MCF2L: variants seen among roughly 807,000 people sequenced by gnomAD.
MCF2L encodes guanine nucleotide exchange factor DBS.
A neutral mutation model predicts 153.4 loss-of-function variants in MCF2L; 97 were observed. The observed-to-expected ratio is 0.63, with a 90% CI of 0.54 to 0.75. MCF2L has a LOEUF of 0.75. Among genes scored for constraint, MCF2L ranks in the 30% least tolerant of loss-of-function variants. MCF2L has a pLI of 0.00. For missense variants in MCF2L, 1,347 were observed against 1,495.2 expected (o/e 0.90, Z 1.64); for synonymous variants, 659 against 632.2 (o/e 1.04, Z -0.64).
intron 2 of MCF2L, among the ~76,000 whole-genome samples, chr13:112,924,556 C>T (rs369181479): frequency 4.6e-5 from 7 of 151,966 alleles, no homozygotes; most frequent in South Asian, 2.1e-4. Context: ...AATGCTGATA[C>T]GAGGAAAACT....
In MCF2L at chr13:113,090,705, T is replaced by C. The variant is rs185715206; in HGVS notation, c.2953+977T>C. On this transcript the variant is annotated intron_variant, in intron 26 of 29. Coordinates refer to ENST00000535094, the MANE Select transcript of MCF2L (RefSeq NM_001112732.3). ...GGCCCTGGCGTGCAGGCGGCTCTTC[T>C]GGGAAGCCCTGAAGGCCAGCGTGGA... 28 of 985,498 alleles carry C rather than the reference T, an allele frequency of 2.8e-5. No individual in the cohort carries two copies. In the African/African-American group the frequency reaches 4.4e-4, roughly 15 times the overall value. The allele number at this position is 985,498 out of a possible 1,614,324, so 61.0% of individuals were successfully genotyped here.
At chr13:112,914,875 T>C (rs56197242) in intron 2 of MCF2L, among the ~76,000 whole-genome samples, 45,828 of 152,024 alleles carry the variant, frequency 0.3, 7,105 homozygotes, top group Non-Finnish European at 0.34. Flanking sequence ...ACTTTCCTTT[T>C]TTTTTTTCTT....
intron 2 of MCF2L, among the ~76,000 whole-genome samples, chr13:112,958,411 C>T (rs1357760889): frequency 1.3e-5 from 2 of 152,232 alleles, no homozygotes; most frequent in Non-Finnish European, 2.9e-5. Context: ...GAATGAGGCC[C>T]AGCCCACTGT....
At chr13:112,957,148 T>C (rs2081768113) in intron 2 of MCF2L, 1 of 151,716 alleles carries the variant, frequency 6.6e-6, no homozygotes, top group African/African-American at 2.4e-5. Flanking sequence ...GAGCTCTAAC[T>C]GAACTGCACA....
At chr13:113,015,852 C>A (rs1299348348) in intron 2 of MCF2L, among the ~76,000 whole-genome samples, 1 of 152,212 alleles carries the variant, frequency 6.6e-6, no homozygotes, top group African/African-American at 2.4e-5. Context: ...TCCCAGAGGA[C>A]AAGGGCTCCA....
intron 2 of MCF2L, among the ~76,000 whole-genome samples, chr13:112,936,915 G>A (rs781735537): frequency 7.2e-5 from 11 of 152,132 alleles, no homozygotes; most frequent in Non-Finnish European, 1.6e-4. Flanking sequence ...ATGAGAAAAA[G>A]TCTGTCTATG....
At chr13:112,977,382 G>A (rs910779323) in intron 1 of MCF2L, among the ~76,000 whole-genome samples, 4 of 152,162 alleles carry the variant, frequency 2.6e-5, no homozygotes, top group South Asian at 2.1e-4. Flanking sequence ...GGGCTACCAC[G>A]GAGCTTAGGG....
rs532015755 is a variant in MCF2L, at chr13:112,915,049, T to C, written c.169+12678T>C. On this transcript the variant is annotated intron_variant, in intron 2 of 29. Transcript: ENST00000375608. ...TTTTGACCCACTTGGATTGATTTTG[T>C]TGTATGGTGTCAAGTATGGGTCCAA... 2.0e-5 allele frequency among the ~76,000 whole-genome samples: 3 copies of C among 152,212 alleles called. No homozygotes were observed. The South Asian group carries it at 6.2e-4, about 32-fold the overall frequency.
intron 1 of MCF2L, among the ~76,000 whole-genome samples, chr13:112,900,873 G>A (rs1433160466): frequency 6.6e-6 from 1 of 152,154 alleles, no homozygotes; most frequent in Non-Finnish European, 1.5e-5. Flanking sequence ...GTGGCCCTGA[G>A]AGCGCCTGTG....
chr13:113,049,754 C>G (rs559829028), intron 4 of MCF2L, among the ~76,000 whole-genome samples: 3 of 152,336 alleles, frequency 2.0e-5, no homozygotes, highest in East Asian at 3.9e-4. Flanking sequence ...GCTCGGCCAC[C>G]GAGGAGGACG....
At chr13:112,910,273 G>T (rs1187470943) in intron 2 of MCF2L, 1 of 152,208 alleles carries the variant, frequency 6.6e-6, no homozygotes, top group Non-Finnish European at 1.5e-5. Context: ...ACTGATGTCA[G>T]TAAAAGTCTT....
At chr13:112,939,301 GT>G (rs2081552136) in intron 2 of MCF2L, among the ~76,000 whole-genome samples, 1 of 152,178 alleles carries the variant, frequency 6.6e-6, no homozygotes, top group African/African-American at 2.4e-5. Flanking sequence ...GTGGCTCTTG[GT>G]TTTGGGTCCC....
At chr13:112,981,379 G>A (rs530199825) in intron 1 of MCF2L, among the ~76,000 whole-genome samples, 16 of 152,326 alleles carry the variant, frequency 1.1e-4, no homozygotes, top group African/African-American at 3.6e-4. Flanking sequence ...TGGGAGACGC[G>A]ATGAGAGTGT....
At chr13:113,088,451 G>C in intron 24 of MCF2L, 46 bp downstream of exon 24, 2 of 1,611,102 alleles carry the variant, frequency 1.2e-6, no homozygotes, top group Non-Finnish European at 1.7e-6. Context: ...TCCGCTCCAG[G>C]TGCATTTTTA....
rs571146541 is a variant in MCF2L at position 112,919,351 on chromosome 13, G to A, written c.169+16980G>A. On this transcript the variant is annotated intron_variant, in intron 2 of 29. Coordinates refer to the MCF2L transcript ENST00000375608. ...CTCCCAAGTAGCTGGGACTACAGGC[G>A]CCCGCCACTACGCCCGGCTAATTTT... is the stretch of plus-strand genomic sequence containing the variant. 1.7e-4 allele frequency among the ~76,000 whole-genome samples: 25 copies of A among 149,846 alleles called. No homozygotes were observed. In the South Asian group the frequency reaches 2.1e-3, roughly 13 times the overall value.
upstream of MCF2L, chr13:112,968,620 T>C: frequency 6.5e-7 from 1 of 1,529,420 alleles, no homozygotes. Flanking sequence ...CCTGCTTACC[T>C]GGGCGCGGCG....
intron 2 of MCF2L, chr13:112,958,053 C>A (rs2081779899): frequency 6.6e-6 from 1 of 152,196 alleles, no homozygotes; most frequent in African/African-American, 2.4e-5. Context: ...TGGGACGTTC[C>A]CCAGCTGTCG....
At chr13:112,908,515 C>T (rs1566630399) in intron 2 of MCF2L, among the ~76,000 whole-genome samples, 1 of 152,168 alleles carries the variant, frequency 6.6e-6, no homozygotes, top group Admixed American at 6.5e-5. Context: ...AGAGCCAGAG[C>T]CGATTTTGCA....
intron 4 of MCF2L, among the ~76,000 whole-genome samples, chr13:113,048,855 C>T (rs868212958): frequency 3.1e-4 from 47 of 152,132 alleles, no homozygotes; most frequent in African/African-American, 1.1e-3. Flanking sequence ...CAAGGCTCAC[C>T]GCCAGCTGGG....
Sources: gnomAD v4.1 joint callset for allele counts (sites outside exome capture counted in the v4.1 genomes callset) on GRCh38, gnomAD v4.1.1 for gene constraint, MANE v1.5 for transcripts, NCBI Gene and HGNC (gene_info 2026-07-23, HGNC 2026-07-21) for gene names.